The following RBFOX1 variants were observed in gnomAD, a reference collection of about 807,000 sequenced individuals.
RBFOX1 encodes the protein RNA binding protein fox-1 homolog 1.
A neutral mutation model predicts 57.7 loss-of-function variants in RBFOX1; 8 were observed. That is an observed-to-expected ratio of 0.14 (90% CI 0.08 to 0.25). RBFOX1 has a LOEUF of 0.25. Among genes scored for constraint, RBFOX1 ranks in the 10% least tolerant of loss-of-function variants. The pLI, the probability that RBFOX1 is intolerant of heterozygous loss-of-function variation, is 1.00. For synonymous variants in RBFOX1, 326 were observed against 222.4 expected, an observed-to-expected ratio of 1.47 and a Z score of -4.15; for missense variants, 611 against 548.5, an observed-to-expected ratio of 1.11 and a Z score of -1.14.
At chr16:5,943,591 G>T (rs2059325832) in intron 4 of RBFOX1, among the ~76,000 whole-genome samples, 1 of 152,084 alleles carries the variant, frequency 6.6e-6, no homozygotes, top group South Asian at 2.1e-4. Context: ...TAACTCTTTG[G>T]GTCAACTTGG....
Position 7,390,708 on chromosome 16 carries a change from GA to G in RBFOX1, c.28-127437del, listed in dbSNP as rs1174422346. On this transcript the variant is annotated intron_variant, in intron 4 of 15. Coordinates refer to ENST00000550418, the MANE Select transcript of RBFOX1 (RefSeq NM_018723.4). Reference sequence around the variant, plus strand: ...ATCAATATGCTGTCTCTTTACAGAGGAATTAGTGGTTATAAGAACTGACAAT... The same window carrying G: ...ATCAATATGCTGTCTCTTTACAGAGGATTAGTGGTTATAAGAACTGACAAT... 2.0e-5 allele frequency among the ~76,000 whole-genome samples: 3 copies of G among 152,244 alleles called. No individual in the cohort carries two copies. In the East Asian group the frequency reaches 5.8e-4, roughly 29 times the overall value.
chr16:6,600,529 C>T lies in RBFOX1; in HGVS notation c.-63-54074C>T, dbSNP rs180834380. 4.4e-3 allele frequency among the ~76,000 whole-genome samples: 663 copies of T among 152,210 alleles called. 3 individuals carry two copies. Among genetic ancestry groups the T allele is most frequent in the Non-Finnish European group, 5.9e-3 (402 of 68,026 alleles). Reference sequence around the variant, plus strand: ...TGCTTCAGCTGATAACTGCTCTGGCCAGAGACGAACGCTGTGGTGATTATA... The same window carrying T: ...TGCTTCAGCTGATAACTGCTCTGGCTAGAGACGAACGCTGTGGTGATTATA... On this transcript the variant is annotated intron_variant, in intron 2 of 15. Coordinates refer to ENST00000550418, the MANE Select transcript of RBFOX1 (RefSeq NM_018723.4).
At chr16:7,359,075 C>T (rs1482966559) in intron 4 of RBFOX1, among the ~76,000 whole-genome samples, 1 of 152,204 alleles carries the variant, frequency 6.6e-6, no homozygotes, top group Non-Finnish European at 1.5e-5. Context: ...TCAGCTACAG[C>T]ATAGCCATCT....
intron 4 of RBFOX1, among the ~76,000 whole-genome samples, chr16:7,340,824 G>A (rs1040290044): frequency 6.6e-6 from 1 of 152,176 alleles, no homozygotes; most frequent in Non-Finnish European, 1.5e-5. Flanking sequence ...AAGGGACACT[G>A]TCAATCTCTT....
chr16:7,365,296 G>C (rs1343565504), intron 4 of RBFOX1, among the ~76,000 whole-genome samples: 1 of 152,192 alleles, frequency 6.6e-6, no homozygotes, highest in Non-Finnish European at 1.5e-5. Flanking sequence ...CACTTATTTT[G>C]TAGCAGGGAA....
rs890531239 is a variant in RBFOX1 at position 7,603,502 on chromosome 16, A to G, written c.623-3783A>G. 4.1e-4 allele frequency among the ~76,000 whole-genome samples: 63 copies of G among 152,190 alleles called. 1 individual carries two copies. The highest frequency in any genetic ancestry group is 2.9e-5 in the Non-Finnish European group (2 of 68,032). On this transcript the variant is annotated intron_variant, in intron 9 of 15. Coordinates refer to ENST00000550418, the MANE Select transcript of RBFOX1 (RefSeq NM_018723.4). Reference sequence around the variant, plus strand: ...AGAAAATAAAACTGGGAATGGAATCATGGAATCCAAGAGTAACTCTAAGAG... The same window carrying G: ...AGAAAATAAAACTGGGAATGGAATCGTGGAATCCAAGAGTAACTCTAAGAG...
Position 7,518,461 on chromosome 16 carries a change from G to T in RBFOX1, c.270+72G>T. The T allele has an allele frequency of 2.0e-6, 3 of 1,526,588 alleles. 1 individual carries two copies. In the South Asian group the frequency reaches 3.9e-5, roughly 20 times the overall value. The allele number at this position is 1,526,588 out of a possible 1,614,324, so 94.6% of individuals were successfully genotyped here. On this transcript the variant is annotated intron_variant, in intron 5 of 15. Coordinates refer to ENST00000550418, the MANE Select transcript of RBFOX1 (RefSeq NM_018723.4). ...CCCAGCCCTGGTAATGGCAGCGGGG[G>T]TGCACCCCCATCTACCCAGGGACTC...
intron 3 of RBFOX1, among the ~76,000 whole-genome samples, chr16:6,974,964 T>G (rs1298346290): frequency 6.6e-6 from 1 of 152,222 alleles, no homozygotes; most frequent in Non-Finnish European, 1.5e-5. Context: ...TCTAAAAGAA[T>G]CTTCCTCTGC....
At chr16:5,411,722 A>G (rs1298058825) in intron 1 of RBFOX1, among the ~76,000 whole-genome samples, 1 of 151,836 alleles carries the variant, frequency 6.6e-6, no homozygotes, top group Non-Finnish European at 1.5e-5. Flanking sequence ...CAACATGGAA[A>G]GACCCCATCT....
chr16:5,251,311 G>A (rs1470642596), intron 1 of RBFOX1, among the ~76,000 whole-genome samples: 1 of 152,244 alleles, frequency 6.6e-6, no homozygotes, highest in Admixed American at 6.5e-5. Context: ...CTGCATCCTA[G>A]AGCTGCCATG....
chr16:5,938,221 T>C (rs756148355), intron 4 of RBFOX1, among the ~76,000 whole-genome samples: 43 of 152,182 alleles, frequency 2.8e-4, no homozygotes, highest in Non-Finnish European at 5.0e-4. Flanking sequence ...CTGGGAAGTA[T>C]ATAGCTTTCA....
chr16:5,468,823 G>C (rs2069036291), intron 2 of RBFOX1, among the ~76,000 whole-genome samples: 1 of 152,230 alleles, frequency 6.6e-6, no homozygotes, highest in South Asian at 2.1e-4. Flanking sequence ...TGGTTTATCA[G>C]AAACACAGTT....
rs145072345 is a variant in RBFOX1, at chr16:6,546,537, C to T, written c.-63-108066C>T. ...ATTGGCAGCTCCATAGCACCTCTGT[C>T]TGCTTCTACTTTCATGTGGCATTCT... On this transcript the variant is annotated intron_variant, in intron 2 of 15. Coordinates refer to ENST00000550418, the MANE Select transcript of RBFOX1 (RefSeq NM_018723.4). Among the ~76,000 whole-genome samples the T allele has an allele frequency of 1.3e-3, 198 of 152,298 alleles. 2 individuals carry two copies. Among genetic ancestry groups the T allele is most frequent in the African/African-American group, 4.6e-3 (193 of 41,566 alleles).
At chr16:7,108,666 G>A (rs929857676) in intron 4 of RBFOX1, among the ~76,000 whole-genome samples, 1 of 152,104 alleles carries the variant, frequency 6.6e-6, no homozygotes, top group Non-Finnish European at 1.5e-5. Flanking sequence ...TTAAAGCAAT[G>A]CAACAATTTT....
chr16:6,964,585 C>G (rs1273358888), intron 3 of RBFOX1, among the ~76,000 whole-genome samples: 4 of 152,092 alleles, frequency 2.6e-5, no homozygotes, highest in African/African-American at 9.7e-5. Context: ...TTTATACTTG[C>G]TGAATTTTCT....
At chr16:6,995,290 T>G (rs148346926) in intron 3 of RBFOX1, among the ~76,000 whole-genome samples, 10 of 138,414 alleles carry the variant, frequency 7.2e-5, no homozygotes, top group Admixed American at 1.5e-4. Context: ...GAAAGTAGCC[T>G]TGTGTGTGTG....
At chr16:6,818,864 C>G (rs188434831) in intron 3 of RBFOX1, among the ~76,000 whole-genome samples, 1 of 152,176 alleles carries the variant, frequency 6.6e-6, no homozygotes, top group Non-Finnish European at 1.5e-5. Context: ...GAGATTAAAT[C>G]TCAGGAATTT....
chr16:7,046,236 G>T (rs1011297381), intron 3 of RBFOX1, among the ~76,000 whole-genome samples: 7 of 139,594 alleles, frequency 5.0e-5, no homozygotes, highest in Non-Finnish European at 7.4e-5. Context: ...TTAGGTAAAG[G>T]GGTGTGTGTG....
At chr16:7,017,276 A>G (rs1477635059) in intron 3 of RBFOX1, among the ~76,000 whole-genome samples, 1 of 152,202 alleles carries the variant, frequency 6.6e-6, no homozygotes, top group African/African-American at 2.4e-5. Context: ...AGGCCCAAGT[A>G]TAGAATGATG....
Sources: gnomAD v4.1 joint callset for allele counts (sites outside exome capture counted in the v4.1 genomes callset) on GRCh38, gnomAD v4.1.1 for gene constraint, MANE v1.5 for transcripts, NCBI Gene and HGNC (gene_info 2026-07-23, HGNC 2026-07-21) for gene names.